Variants in CTTNBP2NL observed in about 807,000 individuals in gnomAD.
The protein encoded by CTTNBP2NL is CTTNBP2 N-terminal-like protein.
Under a neutral mutation model 32.5 loss-of-function variants are expected in CTTNBP2NL, and 16 were observed. The observed-to-expected ratio is 0.49, with a 90% CI of 0.33 to 0.75. The LOEUF (loss-of-function observed/expected upper bound fraction) is 0.75, where lower values mean the gene tolerates loss of function less well. Ranked by LOEUF, CTTNBP2NL falls within the 30% of genes least tolerant of loss-of-function variation. CTTNBP2NL has a pLI of 0.02. For synonymous variants in CTTNBP2NL, 298 were observed against 289.4 expected (o/e 1.03, Z -0.30); for missense variants, 645 against 756.0 (o/e 0.85, Z 1.72).
chr1:112,411,769 A>C (rs1430412885), intron 1 of CTTNBP2NL, among the ~76,000 whole-genome samples: 1 of 150,212 alleles, frequency 6.7e-6, no homozygotes, highest in Non-Finnish European at 1.5e-5. Context: ...TACAAGCTCC[A>C]CCTCCTGGGT....
chr1:112,412,146 T>A (rs915498883), intron 1 of CTTNBP2NL, 48 bp from the exon 2 acceptor site: 11 of 152,232 alleles, frequency 7.2e-5, no homozygotes, highest in African/African-American at 2.7e-4. Flanking sequence ...TTTACCAAGT[T>A]GTTTATAGTA....
chr1:112,391,762 A>G (rs1326479450), upstream of CTTNBP2NL, among the ~76,000 whole-genome samples: 1 of 152,026 alleles, frequency 6.6e-6, no homozygotes, highest in African/African-American at 2.4e-5. Context: ...GGCCGAGGCA[A>G]GTGGGTCATT....
intron 3 of CTTNBP2NL, among the ~76,000 whole-genome samples, chr1:112,426,958 A>G (rs551105416): frequency 1.3e-5 from 2 of 152,284 alleles, no homozygotes; most frequent in East Asian, 3.9e-4. Context: ...TTTCAACAGA[A>G]TAAACAATAC....
intron 3 of CTTNBP2NL, among the ~76,000 whole-genome samples, chr1:112,421,004 T>C (rs965008945): frequency 2.6e-5 from 4 of 152,220 alleles, no homozygotes; most frequent in Non-Finnish European, 5.9e-5. Flanking sequence ...TAAAATGTTA[T>C]GGTTATTACG....
chr1:112,424,543 A>G (rs1042029825), intron 3 of CTTNBP2NL, among the ~76,000 whole-genome samples: 10 of 152,256 alleles, frequency 6.6e-5, no homozygotes, highest in African/African-American at 1.7e-4. Flanking sequence ...CAGCTTGCCA[A>G]TTTCCCTAAA....
At chr1:112,395,930 A>AG (rs1317193634), upstream of CTTNBP2NL, among the ~76,000 whole-genome samples, 3 of 152,216 alleles carry the variant, frequency 2.0e-5, no homozygotes, top group Non-Finnish European at 4.4e-5. Flanking sequence ...CAGACTTTTC[A>AG]CGCAGAGGTG....
At chr1:112,432,429 A>C (rs1035618948) in intron 3 of CTTNBP2NL, among the ~76,000 whole-genome samples, 6 of 152,192 alleles carry the variant, frequency 3.9e-5, no homozygotes, top group Non-Finnish European at 8.8e-5. Flanking sequence ...TGTAAGAAAT[A>C]TAATATGCAC....
intron 5 of CTTNBP2NL, among the ~76,000 whole-genome samples, chr1:112,455,692 G>A (rs988689959): frequency 2.0e-5 from 3 of 152,178 alleles, no homozygotes; most frequent in East Asian, 1.9e-4. Context: ...ACAAAGATAC[G>A]TCATATTCCC....
rs1327523870 is a variant in CTTNBP2NL, at chr1:112,416,284, A to T, written c.99+20A>T. The T allele has an allele frequency of 2.5e-6, 3 of 1,200,732 alleles. No homozygotes were observed. The highest frequency in any genetic ancestry group is 4.5e-5 in the Admixed American group (2 of 44,782). 74.4% of individuals were successfully genotyped at this position (1,200,732 alleles called of 1,614,324 possible). A position where few individuals can be genotyped will look rare whatever the true frequency, so the allele number is the denominator to read the frequency against. On this transcript the variant is annotated intron_variant, in intron 3 of 5. Transcript: ENST00000271277. Reference sequence around the variant, plus strand: ...TTAAAGGTATGTTAAAAGAAAAAAAAAAAGAGGTCATCATACATTGTGAAA... The same window carrying T: ...TTAAAGGTATGTTAAAAGAAAAAAATAAAGAGGTCATCATACATTGTGAAA...
chr1:112,405,870 C>T (rs1039727153), intron 1 of CTTNBP2NL, among the ~76,000 whole-genome samples: 7 of 152,012 alleles, frequency 4.6e-5, no homozygotes, highest in Non-Finnish European at 8.8e-5. Context: ...TCCCAGAAAG[C>T]GAATTAAACT....
At chr1:112,443,534 A>T (rs1425210359) in intron 3 of CTTNBP2NL, among the ~76,000 whole-genome samples, 1 of 152,080 alleles carries the variant, frequency 6.6e-6, no homozygotes, top group African/African-American at 2.4e-5. Context: ...TTTTCAGTAG[A>T]GATGGGGTTG....
chr1:112,448,120 G>A (rs2780271), intron 3 of CTTNBP2NL, among the ~76,000 whole-genome samples: 96,596 of 152,024 alleles, frequency 0.64, 30,965 homozygotes, highest in South Asian at 0.71. Flanking sequence ...CCAGACTCCA[G>A]GCACCAGCTT....
upstream of CTTNBP2NL, among the ~76,000 whole-genome samples, chr1:112,394,202 C>T (rs1385953122): frequency 2.9e-5 from 4 of 137,154 alleles, no homozygotes; most frequent in Non-Finnish European, 4.6e-5. Flanking sequence ...GACTCCATCT[C>T]GATAAAAAAA....
chr1:112,392,897 G>C (rs376521677), upstream of CTTNBP2NL, among the ~76,000 whole-genome samples: 7 of 151,954 alleles, frequency 4.6e-5, no homozygotes, highest in East Asian at 1.2e-3. Flanking sequence ...GCTCTTTGTT[G>C]CCCAGGGTGG....
Position 112,416,210 on chromosome 1 carries a change from T to G in CTTNBP2NL, c.45T>G (p.Phe15Leu). The change falls in exon 3 of 6, where the codon TTT (phenylalanine) becomes TTG (leucine). Residue 15 changes from phenylalanine to leucine, a missense_variant. Coordinates refer to ENST00000271277, the MANE Select transcript of CTTNBP2NL (RefSeq NM_018704.3). ...KLSKPELLTL[F>L]SILEGELEAR... is the part of the protein sequence containing the mutation. The stretch of plus-strand genomic sequence containing the variant: ...GCAAGCCTGAACTCCTGACACTATT[T>G]AGTATTCTTGAAGGAGAGCTTGAAG... 4.4e-6 allele frequency: 7 copies of G among 1,609,146 alleles called. No individual in the cohort carries two copies. The highest frequency in any genetic ancestry group is 5.9e-6 in the Non-Finnish European group (7 of 1,178,254).
In CTTNBP2NL at chr1:112,445,627, A is replaced by G. The variant is rs1352221046; in HGVS notation, c.100-3315A>G. ...TATTCCACAGATCCTTTTCCTTTAC[A>G]GGCAAAGCCGTCTGTATTATACAAC... On this transcript the variant is annotated intron_variant, in intron 3 of 5. Transcript: ENST00000271277. Among the ~76,000 whole-genome samples, 9 of 152,316 alleles carry G rather than the reference A, an allele frequency of 5.9e-5. No individual in the cohort carries two copies. The East Asian group carries it at 1.5e-3, about 26-fold the overall frequency.
At chr1:112,454,212 A>G (rs572216802) in intron 4 of CTTNBP2NL, among the ~76,000 whole-genome samples, 10 of 152,308 alleles carry the variant, frequency 6.6e-5, no homozygotes, top group South Asian at 2.1e-4. Flanking sequence ...CTCTGTTTGC[A>G]TATCATTCTC....
At chr1:112,455,905 T>C (rs766496701) in intron 5 of CTTNBP2NL, 26 bp from the exon 6 acceptor site, 7 of 1,542,052 alleles carry the variant, frequency 4.5e-6, no homozygotes, top group Non-Finnish European at 6.1e-6. Context: ...TTTGTCAGTA[T>C]GTCTCTCTTT....
chr1:112,433,250 G>T (rs1442146546), intron 3 of CTTNBP2NL, among the ~76,000 whole-genome samples: 4 of 152,050 alleles, frequency 2.6e-5, no homozygotes, highest in Non-Finnish European at 5.9e-5. Context: ...TCATTTTTGT[G>T]TGGGGGTGTG....
Sources: allele counts gnomAD v4.1 joint callset (sites outside exome capture counted in the v4.1 genomes callset), GRCh38; gene constraint gnomAD v4.1.1; transcripts MANE v1.5; gene names NCBI Gene and HGNC (gene_info 2026-07-23, HGNC 2026-07-21).